APOL4: variants seen among roughly 807,000 people sequenced by gnomAD.
APOL4 encodes apolipoprotein L4.
In APOL4, 14 loss-of-function variants were observed where a neutral mutation model predicts 12.1. That is an observed-to-expected ratio of 1.16 (90% CI 0.76 to 1.81). The LOEUF (loss-of-function observed/expected upper bound fraction) is 1.81, where lower values mean the gene tolerates loss of function less well. APOL4 is among the 40% of genes most tolerant of loss of function. APOL4 has a pLI of 0.00. For missense variants in APOL4, 432 were observed against 423.1 expected, an observed-to-expected ratio of 1.02 and a Z score of -0.18; for synonymous variants, 171 against 160.6, an observed-to-expected ratio of 1.06 and a Z score of -0.49.
At chr22:36,202,819 C>T (rs771711947), upstream of APOL4, among the ~76,000 whole-genome samples, 3 of 152,134 alleles carry the variant, frequency 2.0e-5, no homozygotes, top group Admixed American at 6.5e-5. Flanking sequence ...CTTTTGGCAG[C>T]TCTATCAGGT....
intron 3 of APOL4, chr22:36,195,073 A>C (rs1161670406): frequency 2.3e-6 from 1 of 432,162 alleles, no homozygotes; most frequent in African/African-American, 2.0e-5. Flanking sequence ...AGCTCCCATC[A>C]CCAGTAGATG....
At chr22:36,195,236 C>A in intron 3 of APOL4, 75 bp downstream of exon 3, 1 of 1,545,696 alleles carries the variant, frequency 6.5e-7, no homozygotes, top group Non-Finnish European at 8.7e-7. Context: ...GGTGTGCCTG[C>A]CAGAGAAAAC....
intron 2 of APOL4, chr22:36,197,553 A>T: frequency 7.1e-7 from 1 of 1,407,090 alleles, no homozygotes; most frequent in East Asian, 2.7e-5. Flanking sequence ...CGGGCAAACA[A>T]AACCAACCAG....
intron 3 of APOL4, among the ~76,000 whole-genome samples, chr22:36,194,075 A>G (rs994683586): frequency 3.3e-5 from 5 of 152,310 alleles, no homozygotes; most frequent in African/African-American, 1.2e-4. Context: ...TTTGGACAAG[A>G]TGGTAGAGAA....
intron 3 of APOL4, 171 bp downstream of exon 3, chr22:36,195,140 T>A: frequency 4.9e-6 from 4 of 823,904 alleles, no homozygotes; most frequent in Non-Finnish European, 7.2e-6. Context: ...GGTCACTCAC[T>A]GCCAGCGAAG....
chr22:36,197,966 C>G (rs1477082273), intron 2 of APOL4: 50 of 1,344,678 alleles, frequency 3.7e-5, no homozygotes, highest in Non-Finnish European at 4.8e-6. Context: ...AAGTTCCATG[C>G]TTGCAACAAA....
intron 3 of APOL4, among the ~76,000 whole-genome samples, chr22:36,193,937 T>C (rs1305615145): frequency 6.6e-6 from 1 of 152,188 alleles, no homozygotes; most frequent in Admixed American, 6.5e-5. Context: ...GCCAAACTAA[T>C]GCCTTAGCAG....
Position 36,201,701 on chromosome 22 carries a change from C to T in APOL4, c.34G>A (p.Gly12Arg), listed in dbSNP as rs372492391. 8.7e-6 allele frequency: 14 copies of T among 1,606,554 alleles called. No individual in the cohort carries two copies. Among genetic ancestry groups the T allele is most frequent in the East Asian group, 4.5e-5 (2 of 44,608 alleles). Residue 12 changes from glycine to arginine, a missense_variant and splice_region_variant, in exon 1 of 4, where the codon GGG becomes AGG. Physicochemically the swap from Gly to Arg is moderately radical, Grantham distance 125. Transcript: ENST00000683024. ...GSWVQLITSV[G>R]VQQNHPGWTV... ...AGAGAGCTGGGGCCTCGGACTCACC[C>T]GACGCTTGTGATGAGCTGCACCCAG...
Position 36,201,785 on chromosome 22 carries a change from T to A in APOL4, c.-51A>T. 1 of 1,587,000 alleles carries A rather than the reference T, an allele frequency of 6.3e-7. No homozygotes were observed. The highest frequency in any genetic ancestry group is 8.6e-7 in the Non-Finnish European group (1 of 1,166,190). On this transcript the variant is annotated 5_prime_UTR_variant, in exon 1 of 4. Transcript: ENST00000683024. ...TCAGACGCTGATCTGGGGCCTCTGC[T>A]GAATGTTGAGGCTGGATACTGACTG...
chr22:36,204,244 C>T (rs1053393618), upstream of APOL4, among the ~76,000 whole-genome samples: 2 of 152,178 alleles, frequency 1.3e-5, no homozygotes, highest in Admixed American at 1.3e-4. Context: ...AAGGACAGAC[C>T]GGGCTCCAGG....
At position 36,191,220 on chromosome 22, in the gene APOL4, T is replaced by A. The variant is rs1261337738; in HGVS notation, c.902A>T (p.Asp301Val). Residue 301 changes from aspartate (D) to valine (V), a missense_variant, in exon 4 of 4, where the codon GAT becomes GTT. Physicochemically the swap from Asp to Val is radical, Grantham distance 152 (BLOSUM62 -3). Coordinates refer to ENST00000683024, the MANE Select transcript of APOL4 (RefSeq NM_001386885.1). ...TGAGTCTTGCACAAGGTTGACTACA[T>A]CCAGCACAACAAGGACACCTGAAGT... ...KATSGVLVVLDVVNLVQDSLD... is the reference protein window; with the variant it reads ...KATSGVLVVLVVVNLVQDSLD... 6.2e-7 allele frequency: 1 copy of A among 1,613,996 alleles called. No homozygotes were observed. Among genetic ancestry groups the A allele is most frequent in the Non-Finnish European group, 8.5e-7 (1 of 1,179,888 alleles).
chr22:36,202,328 T>C (rs2014607932), upstream of APOL4, among the ~76,000 whole-genome samples: 1 of 152,234 alleles, frequency 6.6e-6, no homozygotes. Flanking sequence ...TCAGGCTGTC[T>C]TGAACTCCTG....
intron 2 of APOL4, 62 bp from the exon 3 acceptor site, chr22:36,195,499 G>A (rs144500276): frequency 1.9e-6 from 3 of 1,567,494 alleles, no homozygotes; most frequent in Non-Finnish European, 2.6e-6. Flanking sequence ...ATGGCATTGA[G>A]TATAAGGTGG....
chr22:36,203,024 TGTAGTTA>T (rs2014631294), upstream of APOL4, among the ~76,000 whole-genome samples: 1 of 152,224 alleles, frequency 6.6e-6, no homozygotes, highest in African/African-American at 2.4e-5. Context: ...CTCTCACTCC[TGTAGTTA>T]CACTCACAAT....
At position 36,195,406 on chromosome 22, in the gene APOL4, T is replaced by C. The variant is rs1455872340; in HGVS notation, c.114A>G (p.Glu38=). The C allele has an allele frequency of 6.2e-6, 10 of 1,613,766 alleles. No individual in the cohort carries two copies. Residue 38 remains glutamate, a synonymous_variant, in exon 3 of 4, where the codon GAA becomes GAG. Transcript: ENST00000683024. ...CTGGGCTAACTTTCTTCTGGAAGTA[T>C]TCAATGACTTCTTCAGTGAAGCGTT... ...EKKRFTEEVI[E]YFQKKVSPVH...
At chr22:36,199,729 A>C in intron 1 of APOL4, 1 of 1,322,008 alleles carries the variant, frequency 7.6e-7, no homozygotes, top group South Asian at 1.4e-5. Flanking sequence ...GACCGGAAAC[A>C]TGTGTGACAA....
At chr22:36,202,386 A>C (rs1314881246), upstream of APOL4, among the ~76,000 whole-genome samples, 1 of 152,212 alleles carries the variant, frequency 6.6e-6, no homozygotes, top group Non-Finnish European at 1.5e-5. Flanking sequence ...CTGGGATTAC[A>C]GGCTTCAGCT....
chr22:36,201,189 C>T (rs1310688832), intron 1 of APOL4, among the ~76,000 whole-genome samples: 2 of 150,936 alleles, frequency 1.3e-5, no homozygotes, highest in Middle Eastern at 3.4e-3. Flanking sequence ...CAGTTAGGGG[C>T]GGCTCCAAGC....
At chr22:36,197,800 G>A in intron 2 of APOL4, 1 of 1,549,988 alleles carries the variant, frequency 6.5e-7, no homozygotes, top group Non-Finnish European at 8.7e-7. Context: ...ACCAGCTGTA[G>A]GGACAGGGGG....
Sources: gnomAD v4.1 joint callset for allele counts (sites outside exome capture counted in the v4.1 genomes callset) on GRCh38, gnomAD v4.1.1 for gene constraint, MANE v1.5 for transcripts, NCBI Gene and HGNC (gene_info 2026-07-23, HGNC 2026-07-21) for gene names.